Variants in ARHGEF7 observed in about 807,000 individuals in gnomAD.
The protein encoded by ARHGEF7 is Rho guanine nucleotide exchange factor 7.
Under a neutral mutation model 109.8 loss-of-function variants are expected in ARHGEF7, and 33 were observed. The ratio of observed to expected loss-of-function variants is 0.30; its 90% CI spans 0.23 to 0.40. The LOEUF is 0.40. Among genes scored for constraint, ARHGEF7 ranks in the 10% least tolerant of loss-of-function variants. The pLI is 1.00. For missense variants in ARHGEF7, 938 were observed against 1,098.5 expected (o/e 0.85, Z 2.07); for synonymous variants, 458 against 424.6 (o/e 1.08, Z -0.97).
chr13:111,151,780 G>A (rs2153371738), intron 1 of ARHGEF7, among the ~76,000 whole-genome samples: 1 of 152,200 alleles, frequency 6.6e-6, no homozygotes, highest in Non-Finnish European at 1.5e-5. Context: ...CTACGTTTGG[G>A]GGCCATTTGA....
At chr13:111,290,268 G>T (rs958770517) in intron 18 of ARHGEF7, among the ~76,000 whole-genome samples, 8 of 152,006 alleles carry the variant, frequency 5.3e-5, no homozygotes, top group African/African-American at 1.9e-4. Flanking sequence ...TCAACCAACT[G>T]CAGATAACTA....
chr13:111,189,690 C>T (rs932544404), intron 2 of ARHGEF7, among the ~76,000 whole-genome samples: 1 of 152,204 alleles, frequency 6.6e-6, no homozygotes, highest in Non-Finnish European at 1.5e-5. Context: ...GCCTCGGCCA[C>T]ATCCTGCTGA....
In ARHGEF7 at chr13:111,243,910, T is replaced by G. The variant is rs371596966; in HGVS notation, c.798T>G (p.Ser266=). Residue 266 remains serine (S), a synonymous_variant, in exon 7 of 22, where the codon TCT becomes TCG. Transcript: ENST00000646102. The part of the protein sequence containing the change: ...QNILETENEY[S]KELQTVLSTY... Reference sequence around the variant, plus strand: ...TTTTAGAAACAGAAAATGAATATTCTAAAGAACTTCAGACTGTGCTTTCAA... The same window carrying G: ...TTTTAGAAACAGAAAATGAATATTCGAAAGAACTTCAGACTGTGCTTTCAA... The G allele has an allele frequency of 7.3e-5, 117 of 1,612,752 alleles. No individual in the cohort carries two copies. The highest frequency in any genetic ancestry group is 9.2e-5 in the Non-Finnish European group (108 of 1,179,184).
At chr13:111,260,180 G>A (rs745672710) in intron 8 of ARHGEF7, among the ~76,000 whole-genome samples, 3 of 152,216 alleles carry the variant, frequency 2.0e-5, no homozygotes, top group Non-Finnish European at 4.4e-5. Context: ...GAGAGACATA[G>A]GGGTAGAAAG....
At chr13:111,264,812 T>A (rs1477713164) in intron 8 of ARHGEF7, among the ~76,000 whole-genome samples, 1 of 152,204 alleles carries the variant, frequency 6.6e-6, no homozygotes, top group Non-Finnish European at 1.5e-5. Flanking sequence ...TGTGGGATAT[T>A]TTTATTACCT....
At chr13:111,170,222 C>T (rs1272658694) in intron 2 of ARHGEF7, among the ~76,000 whole-genome samples, 2 of 124,048 alleles carry the variant, frequency 1.6e-5, no homozygotes, top group African/African-American at 5.8e-5. Flanking sequence ...CTCAACCTCT[C>T]GAGTAGCTGA....
chr13:111,192,265 G>A (rs2079981584), intron 2 of ARHGEF7, among the ~76,000 whole-genome samples: 1 of 152,102 alleles, frequency 6.6e-6, no homozygotes, highest in Non-Finnish European at 1.5e-5. Flanking sequence ...ACTGCAGTGG[G>A]GGTAGAGAGG....
intron 20 of ARHGEF7, 49 bp downstream of exon 20, chr13:111,300,896 G>A (rs1224262685): frequency 7.9e-7 from 1 of 1,269,532 alleles, no homozygotes; most frequent in Non-Finnish European, 1.1e-6. Context: ...CTCTGCGGTG[G>A]GGTAGTAGAG....
Position 111,273,918 on chromosome 13 carries a change from C to T in ARHGEF7, c.1178C>T (p.Pro393Leu). The T allele has an allele frequency of 1.9e-6, 3 of 1,614,190 alleles. No homozygotes were observed. Among genetic ancestry groups the T allele is most frequent in the Non-Finnish European group, 2.5e-6 (3 of 1,180,034 alleles). ...SKPFMRLDKY[P>L]TLLKELERHM... is the part of the protein sequence containing the mutation. The stretch of plus-strand genomic sequence containing the variant: ...CCCTTCATGCGCCTGGATAAATACC[C>T]TACGCTGCTCAAAGAGCTCGAGAGA... Residue 393 changes from proline to leucine, a missense_variant, in exon 10 of 22, where the codon CCT becomes CTT. Coordinates refer to ENST00000646102, the MANE Select transcript of ARHGEF7 (RefSeq NM_001354046.2). This position sits in a 1 kb window ranked among gnomAD's most constrained non-coding sequence, Gnocchi z 4.5.
At chr13:111,153,262 TG>T (rs1356297716) in intron 1 of ARHGEF7, among the ~76,000 whole-genome samples, 2 of 152,234 alleles carry the variant, frequency 1.3e-5, no homozygotes, top group East Asian at 3.8e-4. Flanking sequence ...GGGGCCCCTC[TG>T]GGCCAGGCTG....
chr13:111,185,880 G>A (rs139693374), intron 2 of ARHGEF7, among the ~76,000 whole-genome samples: 52 of 152,042 alleles, frequency 3.4e-4, no homozygotes, highest in African/African-American at 1.2e-3. Context: ...TGGCAGTGTG[G>A]TGGTGTGGGC....
rs1935420988 is a variant in ARHGEF7, at chr13:111,277,650, A to G, written c.1483A>G (p.Arg495Gly). 1 of 1,602,174 alleles carries G rather than the reference A, an allele frequency of 6.2e-7. No homozygotes were observed. Among genetic ancestry groups the G allele is most frequent in the Non-Finnish European group, 8.6e-7 (1 of 1,169,408 alleles). Reference protein sequence around the residue: ...NVLLMLSASPRMSGFIYQGKL... With the variant: ...NVLLMLSASPGMSGFIYQGKL... ...TTTGCTAATGTTGTCTGCCAGTCCT[A>G]GGATGAGTGGCTTTATCTATCAGGT... The change falls in exon 13 of 22, where the codon AGG (arginine) becomes GGG (glycine). Residue 495 changes from arginine (R) to glycine (G), a missense_variant. This residue lies in a region of ARHGEF7 where 585 missense variants were observed against 723.6 expected (regional missense o/e 0.81). Coordinates refer to ENST00000646102, the MANE Select transcript of ARHGEF7 (RefSeq NM_001354046.2).
At position 111,255,773 on chromosome 13, in the gene ARHGEF7, A is replaced by G. The variant is rs74616450; in HGVS notation, c.950+11479A>G. Among the ~76,000 whole-genome samples, 144 of 152,256 alleles carry G rather than the reference A, an allele frequency of 9.5e-4. No homozygotes were observed. The highest frequency in any genetic ancestry group is 3.2e-3 in the African/African-American group (131 of 41,552). ...ACTTTCTGCCCTTAAACTCGGGGAC[A>G]TTTTATGACTGTCTTTAACTGGGGG... On this transcript the variant is annotated intron_variant, in intron 8 of 21. Transcript: ENST00000646102. The surrounding 1 kb of genome is among the most constrained non-coding windows in gnomAD (Gnocchi z 4.1).
At chr13:111,185,048 T>G (rs2079112514) in intron 2 of ARHGEF7, 2 of 152,126 alleles carry the variant, frequency 1.3e-5, no homozygotes, top group African/African-American at 2.4e-5. Context: ...GTGGGCCTAG[T>G]GGTGCATCAG....
At chr13:111,275,874 T>A in intron 12 of ARHGEF7, 196 bp downstream of exon 12, 1 of 643,046 alleles carries the variant, frequency 1.6e-6, no homozygotes, top group Non-Finnish European at 2.6e-6. Context: ...GAGTGTGGAC[T>A]TGTTGATCAG....
rs1417817818 is a variant in ARHGEF7 at position 111,115,460 on chromosome 13, G to A, written c.-67G>A. ...GGCGGCGGCGGCGGCGGCGGGGGCCGCGGGCCGGGCCGCCGCTCCGAGGTG... is the reference window on the plus strand; with the variant it reads ...GGCGGCGGCGGCGGCGGCGGGGGCCACGGGCCGGGCCGCCGCTCCGAGGTG... On this transcript the variant is annotated 5_prime_UTR_variant, in exon 1 of 22. Transcript: ENST00000646102. 2.1e-3 allele frequency: 2,118 copies of A among 991,008 alleles called. 4 individuals are homozygous for A. Among genetic ancestry groups the A allele is most frequent in the Non-Finnish European group, 2.4e-3 (1,982 of 834,658 alleles). 61.4% of individuals were successfully genotyped at this position (991,008 alleles called of 1,614,324 possible).
chr13:111,261,622 G>A (rs2091100876), intron 8 of ARHGEF7, among the ~76,000 whole-genome samples: 2 of 152,274 alleles, frequency 1.3e-5, no homozygotes, highest in South Asian at 4.2e-4. Flanking sequence ...GATACTTACA[G>A]AACATTTCCT....
chr13:111,118,409 T>C (rs2066949246), intron 1 of ARHGEF7, among the ~76,000 whole-genome samples: 1 of 152,238 alleles, frequency 6.6e-6, no homozygotes, highest in Non-Finnish European at 1.5e-5. Context: ...ACATGAACAG[T>C]TCAGAAAAGA....
At chr13:111,265,909 C>T (rs2091589438) in intron 8 of ARHGEF7, among the ~76,000 whole-genome samples, 1 of 152,180 alleles carries the variant, frequency 6.6e-6, no homozygotes, top group Non-Finnish European at 1.5e-5. Context: ...GAAAATTACC[C>T]AGTCCGCGGT....
Sources: allele counts gnomAD v4.1 joint callset (sites outside exome capture counted in the v4.1 genomes callset), GRCh38; gene constraint gnomAD v4.1.1; regional missense constraint gnomAD v4.1.1; non-coding constraint Gnocchi (gnomAD v3.1); transcripts MANE v1.5; gene names NCBI Gene and HGNC (gene_info 2026-07-23, HGNC 2026-07-21).